Variants in LCOR observed in about 807,000 individuals in gnomAD.
LCOR encodes ligand dependent nuclear receptor corepressor.
A neutral mutation model predicts 64.4 loss-of-function variants in LCOR; 14 were observed. That is an observed-to-expected ratio of 0.22 (90% CI 0.14 to 0.34). The LOEUF is 0.34. Ranked by LOEUF, LCOR falls within the 10% of genes least tolerant of loss-of-function variation. LCOR has a pLI of 1.00. For missense variants in LCOR, 1,686 were observed against 1,765.3 expected (o/e 0.96, Z 0.80); for synonymous variants, 643 against 642.5 (o/e 1.00, Z -0.01).
intron 2 of LCOR, among the ~76,000 whole-genome samples, chr10:96,838,084 G>A (rs1234701375): frequency 6.6e-6 from 1 of 152,106 alleles, no homozygotes; most frequent in Non-Finnish European, 1.5e-5. Flanking sequence ...TGCTCTGGGG[G>A]TAAAAATCCA....
At chr10:96,966,671 CTTTA>C (rs753576531) in intron 7 of LCOR, among the ~76,000 whole-genome samples, 1 of 152,128 alleles carries the variant, frequency 6.6e-6, no homozygotes, top group Non-Finnish European at 1.5e-5. Flanking sequence ...TTATATTTCA[CTTTA>C]TTTGCTTCTA....
intron 2 of LCOR, among the ~76,000 whole-genome samples, chr10:96,876,013 T>TA (rs78165964): frequency 0.015 from 2,071 of 140,008 alleles, 28 homozygotes; most frequent in Middle Eastern, 0.056. Context: ...ACTTAAACAT[T>TA]AAAAAAAAAA....
chr10:96,850,989 A>G (rs972639006), intron 2 of LCOR, among the ~76,000 whole-genome samples: 1 of 152,264 alleles, frequency 6.6e-6, no homozygotes, highest in African/African-American at 2.4e-5. Flanking sequence ...GGAATGTGCT[A>G]ATAATGCAGC....
intron 5 of LCOR, among the ~76,000 whole-genome samples, chr10:96,948,199 A>C (rs1447474076): frequency 1.3e-5 from 2 of 152,168 alleles, no homozygotes; most frequent in Non-Finnish European, 2.9e-5. Flanking sequence ...AGAAATTGAT[A>C]ATTTAGATGT....
At chr10:96,864,145 C>A (rs1054147619) in intron 2 of LCOR, among the ~76,000 whole-genome samples, 1 of 152,026 alleles carries the variant, frequency 6.6e-6, no homozygotes, top group African/African-American at 2.4e-5. Flanking sequence ...ATAAAATACA[C>A]AACAGAGATT....
intron 2 of LCOR, among the ~76,000 whole-genome samples, chr10:96,871,666 A>G (rs1473105077): frequency 6.6e-6 from 1 of 151,880 alleles, no homozygotes; most frequent in Non-Finnish European, 1.5e-5. Context: ...CTCAAAGCAA[A>G]TCGGCATGCC....
intron 7 of LCOR, chr10:96,959,975 C>T (rs984371987): frequency 3.3e-5 from 5 of 152,190 alleles, no homozygotes; most frequent in African/African-American, 2.4e-5. Context: ...ACCATTACCT[C>T]AACCAATTGG....
At chr10:96,979,181 GA>G (rs1210903077) in intron 7 of LCOR, among the ~76,000 whole-genome samples, 1 of 152,126 alleles carries the variant, frequency 6.6e-6, no homozygotes, top group Admixed American at 6.5e-5. Flanking sequence ...AAAGACTGAA[GA>G]AAAGAATTAG....
chr10:96,833,832 A>G lies in LCOR; in HGVS notation c.-330+353A>G, dbSNP rs373082914. ...GCTTTCTGGTGTCCATTCAGCGGCA[A>G]TTTCATGCGGTGAGAAGTTCTCTTT... On this transcript the variant is annotated intron_variant, in intron 2 of 7. Coordinates refer to ENST00000421806, the MANE Select transcript of LCOR (RefSeq NM_001346516.2). Among the ~76,000 whole-genome samples the G allele has an allele frequency of 1.1e-4, 17 of 152,166 alleles. No homozygotes were observed. The South Asian group carries it at 3.5e-3, about 32-fold the overall frequency.
chr10:96,875,656 G>A (rs780633735), intron 2 of LCOR, among the ~76,000 whole-genome samples: 12 of 152,098 alleles, frequency 7.9e-5, no homozygotes, highest in Non-Finnish European at 1.6e-4. Context: ...GAGCTCAGGA[G>A]TTAGAGACCA....
At chr10:96,938,027 C>CTGCA (rs1423156604) in intron 4 of LCOR, among the ~76,000 whole-genome samples, 1 of 152,196 alleles carries the variant, frequency 6.6e-6, no homozygotes, top group African/African-American at 2.4e-5. Context: ...TCATGGCTCA[C>CTGCA]TGCAGCCTTG....
At position 96,989,729 on chromosome 10, in the gene LCOR, G is replaced by A. The variant is rs1165906555; in HGVS notation, c.*4595G>A. Reference sequence around the variant, plus strand: ...TTTTTTTTTTTTTTTTAATAGAGACGAGGTTACGCTATGTTGCCGAGGCTG... The same window carrying A: ...TTTTTTTTTTTTTTTTAATAGAGACAAGGTTACGCTATGTTGCCGAGGCTG... On this transcript the variant is annotated 3_prime_UTR_variant, in exon 8 of 8. Transcript: ENST00000421806. 1 of 117,526 alleles carries A rather than the reference G, an allele frequency of 8.5e-6. No individual in the cohort carries two copies. Among genetic ancestry groups the A allele is most frequent in the Non-Finnish European group, 1.6e-5 (1 of 62,642 alleles). The allele number at this position is 117,526 out of a possible 1,614,324, so 7.3% of individuals were successfully genotyped here.
chr10:96,989,706 T>A lies in LCOR; in HGVS notation c.*4572T>A, dbSNP rs1334988695. The A allele has an allele frequency of 1.7e-4, 24 of 137,718 alleles. No individual in the cohort carries two copies. The highest frequency in any genetic ancestry group is 5.7e-4 in the African/African-American group (20 of 35,290). The allele number at this position is 137,718 out of a possible 1,614,324, so 8.5% of individuals were successfully genotyped here. ...ATATATATATATATATTTTTTTTTT[T>A]TTTTTTTTTTTTTAATAGAGACGAG... On this transcript the variant is annotated 3_prime_UTR_variant, in exon 8 of 8. Transcript: ENST00000421806.
rs1848076993 is a variant in LCOR, at chr10:96,980,775, T to C, written c.333-18T>C. ...GTAAATGACAATACTAATTCCTTCT[T>C]TCTCTTTCTCTGTCTAGTGAGAACT... On this transcript the variant is annotated intron_variant, in intron 7 of 7. Transcript: ENST00000421806. 3.0e-6 allele frequency: 2 copies of C among 660,754 alleles called. No homozygotes were observed. The highest frequency in any genetic ancestry group is 3.6e-5 in the African/African-American group (2 of 55,460). 40.9% of individuals were successfully genotyped at this position (660,754 alleles called of 1,614,324 possible). A position where few individuals can be genotyped will look rare whatever the true frequency, so the allele number is the denominator to read the frequency against.
intron 7 of LCOR, among the ~76,000 whole-genome samples, chr10:96,965,953 T>A (rs1847945508): frequency 6.6e-6 from 1 of 152,022 alleles, no homozygotes; most frequent in African/African-American, 2.4e-5. Context: ...ATAAATGAAT[T>A]TGCTTTATTT....
intron 7 of LCOR, chr10:96,963,276 C>T (rs1337292021): frequency 6.6e-6 from 1 of 152,180 alleles, no homozygotes; most frequent in East Asian, 1.9e-4. Flanking sequence ...CAAACATGCA[C>T]AGTTAAACTA....
chr10:96,909,031 A>G (rs1358709391), intron 4 of LCOR, among the ~76,000 whole-genome samples: 1 of 151,560 alleles, frequency 6.6e-6, no homozygotes, highest in Admixed American at 6.6e-5. Flanking sequence ...TGTCCTATAC[A>G]CTCTTAACTT....
At chr10:96,962,738 A>G (rs1680972394) in intron 7 of LCOR, 2 of 152,130 alleles carry the variant, frequency 1.3e-5, no homozygotes, top group Admixed American at 1.3e-4. Flanking sequence ...TGGGATGTAT[A>G]CTTTACAGCA....
Position 96,983,331 on chromosome 10 carries a change from G to A in LCOR, c.2871G>A (p.Lys957=). 6.2e-7 allele frequency: 1 copy of A among 1,614,206 alleles called. No homozygotes were observed. The highest frequency in any genetic ancestry group is 8.5e-7 in the Non-Finnish European group (1 of 1,180,048). ...ATGTTCAGTCTAAAATGGATGAGAA[G>A]AATGCTCATATCCCCTCAGAAAGTA... ...EIYVQSKMDE[K]NAHIPSESIA... is the part of the protein sequence containing the mutation. The change falls in exon 8 of 8, where the codon AAG becomes AAA. Residue 957 remains lysine, a synonymous_variant. Coordinates refer to ENST00000421806, the MANE Select transcript of LCOR (RefSeq NM_001346516.2). The surrounding 1 kb of genome is among the most constrained non-coding windows in gnomAD (Gnocchi z 4.5).
Sources: allele counts gnomAD v4.1 joint callset (sites outside exome capture counted in the v4.1 genomes callset), GRCh38; gene constraint gnomAD v4.1.1; non-coding constraint Gnocchi (gnomAD v3.1); transcripts MANE v1.5; gene names NCBI Gene and HGNC (gene_info 2026-07-23, HGNC 2026-07-21).